Variants in DGKI observed in about 807,000 individuals in gnomAD.
The protein encoded by DGKI is diacylglycerol kinase iota.
A neutral mutation model predicts 147.5 loss-of-function variants in DGKI; 55 were observed. That is an observed-to-expected ratio of 0.37 (90% CI 0.30 to 0.47). The LOEUF (loss-of-function observed/expected upper bound fraction) is 0.47, where lower values mean the gene tolerates loss of function less well. DGKI is among the 20% of genes least tolerant of loss of function. DGKI has a pLI of 1.00. For missense variants in DGKI, 1,007 were observed against 1,323.8 expected, an observed-to-expected ratio of 0.76 and a Z score of 3.71; for synonymous variants, 469 against 477.1, an observed-to-expected ratio of 0.98 and a Z score of 0.22.
intron 15 of DGKI, among the ~76,000 whole-genome samples, chr7:137,579,123 C>T: frequency 6.6e-6 from 1 of 152,042 alleles, no homozygotes; most frequent in East Asian, 1.9e-4. Flanking sequence ...TTGACTAATA[C>T]CTCATAGATT....
chr7:137,616,314 C>A (rs567930020), intron 8 of DGKI, among the ~76,000 whole-genome samples: 2 of 152,310 alleles, frequency 1.3e-5, no homozygotes, highest in African/African-American at 4.8e-5. Context: ...ATGTAAAATA[C>A]TGAAAACTTT....
At chr7:137,446,648 C>T (rs942585590) in intron 27 of DGKI, among the ~76,000 whole-genome samples, 15 of 152,030 alleles carry the variant, frequency 9.9e-5, no homozygotes, top group South Asian at 2.1e-4. Context: ...ATCACTTGAA[C>T]CTGGGAGGCA....
chr7:137,471,780 A>G (rs1023113934), intron 23 of DGKI, among the ~76,000 whole-genome samples: 1 of 151,244 alleles, frequency 6.6e-6, no homozygotes, highest in African/African-American at 2.4e-5. Flanking sequence ...GAATGCTACC[A>G]AAATCTATAT....
At chr7:137,440,704 G>A (rs536815012) in intron 28 of DGKI, among the ~76,000 whole-genome samples, 1 of 152,288 alleles carries the variant, frequency 6.6e-6, no homozygotes, top group Non-Finnish European at 1.5e-5. Flanking sequence ...AAAGATGAAA[G>A]GACATAAGGC....
intron 7 of DGKI, among the ~76,000 whole-genome samples, chr7:137,620,740 C>A (rs1434613429): frequency 6.6e-6 from 1 of 152,158 alleles, no homozygotes; most frequent in African/African-American, 2.4e-5. Context: ...GACTGGTGAC[C>A]TTAGGCCAGT....
At position 137,407,899 on chromosome 7, in the gene DGKI, T is replaced by C. The variant is rs578008340; in HGVS notation, c.2896A>G (p.Ile966Val). ...CCGTGGTCAAGGATATATTTCACAA[T>C]CTCCCCGTTGCCGGTTTTAGCTGCG... ...HYAAKTGNGE[I>V]VKYILDHGPS... Residue 966 changes from isoleucine to valine, a missense_variant, in exon 30 of 33, where the codon ATT becomes GTT. This residue lies in a region of DGKI where 385 missense variants were observed against 445.2 expected (regional missense o/e 0.86). Coordinates refer to ENST00000614521, the MANE Select transcript of DGKI (RefSeq NM_001321708.2). The C allele has an allele frequency of 1.2e-6, 2 of 1,613,980 alleles. No individual in the cohort carries two copies. The highest frequency in any genetic ancestry group is 8.5e-7 in the Non-Finnish European group (1 of 1,179,964).
rs571729211 is a variant in DGKI, at chr7:137,608,150, G to A, written c.1167+816C>T. Among the ~76,000 whole-genome samples, 16 of 152,240 alleles carry A rather than the reference G, an allele frequency of 1.1e-4. No individual in the cohort carries two copies. In the South Asian group the frequency reaches 2.9e-3, roughly 28 times the overall value. ...ATGACTAAAGGGTTTCAAATCTCCA[G>A]TTGTTTATTGTAAAACTTGAAGGAA... On this transcript the variant is annotated intron_variant, in intron 10 of 32. Transcript: ENST00000614521.
In DGKI at chr7:137,382,056, G is replaced by T. The variant is rs528479894; in HGVS notation, c.*9164C>A. On this transcript the variant is annotated 3_prime_UTR_variant, in exon 33 of 33. Transcript: ENST00000614521. ...GGAGCCATTTGGTTGCATATAGAAG[G>T]TACAACAAATATCAAGGCTAGATGG... 2.0e-5 allele frequency: 3 copies of T among 151,954 alleles called. No homozygotes were observed. The South Asian group carries it at 6.2e-4, about 32-fold the overall frequency. The allele number at this position is 151,954 out of a possible 1,614,324, so 9.4% of individuals were successfully genotyped here.
intron 1 of DGKI, among the ~76,000 whole-genome samples, chr7:137,760,087 C>T (rs1795812450): frequency 6.6e-6 from 1 of 152,156 alleles, no homozygotes; most frequent in African/African-American, 2.4e-5. Flanking sequence ...TCTGTGCCTC[C>T]AGTCACAGAG....
chr7:137,721,288 G>A (rs1454358309), intron 1 of DGKI, among the ~76,000 whole-genome samples: 3 of 152,162 alleles, frequency 2.0e-5, no homozygotes, highest in Non-Finnish European at 4.4e-5. Context: ...AGGCTTGTGT[G>A]TCTGTACTAG....
intron 1 of DGKI, among the ~76,000 whole-genome samples, chr7:137,694,815 T>C (rs1266328117): frequency 6.6e-6 from 1 of 152,174 alleles, no homozygotes; most frequent in African/African-American, 2.4e-5. Context: ...ATGTAAAGGA[T>C]AGTCCACGCA....
chr7:137,799,204 G>T (rs1289481278), intron 1 of DGKI, among the ~76,000 whole-genome samples: 1 of 152,072 alleles, frequency 6.6e-6, no homozygotes, highest in Non-Finnish European at 1.5e-5. Context: ...TGATACATCC[G>T]ATAACATAGA....
chr7:137,510,023 A>C (rs1816525292), intron 21 of DGKI, among the ~76,000 whole-genome samples: 1 of 152,236 alleles, frequency 6.6e-6, no homozygotes, highest in Non-Finnish European at 1.5e-5. Flanking sequence ...CATGAGATCC[A>C]ATCATGGATG....
At chr7:137,530,047 C>T (rs963786949) in intron 20 of DGKI, among the ~76,000 whole-genome samples, 2 of 152,232 alleles carry the variant, frequency 1.3e-5, no homozygotes, top group South Asian at 2.1e-4. Context: ...TCACTGCACC[C>T]GGCCATGTTA....
intron 20 of DGKI, among the ~76,000 whole-genome samples, chr7:137,523,421 A>G (rs1585197037): frequency 6.7e-6 from 1 of 149,608 alleles, no homozygotes. Context: ...CACATGGTGC[A>G]TTCTCTCTCT....
At chr7:137,531,570 A>G (rs1001117029) in intron 20 of DGKI, among the ~76,000 whole-genome samples, 1 of 152,176 alleles carries the variant, frequency 6.6e-6, no homozygotes, top group African/African-American at 2.4e-5. Context: ...AGCCATCAAA[A>G]TGGATTTAGA....
chr7:137,697,920 C>A (rs1375110266), intron 1 of DGKI, among the ~76,000 whole-genome samples: 2 of 151,514 alleles, frequency 1.3e-5, no homozygotes, highest in Non-Finnish European at 2.9e-5. Flanking sequence ...CTTTATATAT[C>A]TATATCTATA....
At chr7:137,779,256 T>C (rs1441569887) in intron 1 of DGKI, among the ~76,000 whole-genome samples, 2 of 151,404 alleles carry the variant, frequency 1.3e-5, no homozygotes, top group African/African-American at 4.9e-5. Context: ...TTCAACAAAT[T>C]ATGCTGGAAC....
chr7:137,446,879 T>C (rs1307960306), intron 27 of DGKI, among the ~76,000 whole-genome samples: 2 of 152,230 alleles, frequency 1.3e-5, no homozygotes, highest in Admixed American at 6.5e-5. Flanking sequence ...AACTGAGGCA[T>C]GCAGGAAAGC....
Sources: allele counts gnomAD v4.1 joint callset (sites outside exome capture counted in the v4.1 genomes callset), GRCh38; gene constraint gnomAD v4.1.1; regional missense constraint gnomAD v4.1.1; transcripts MANE v1.5; gene names NCBI Gene and HGNC (gene_info 2026-07-23, HGNC 2026-07-21).